The following TBC1D19 variants were observed in gnomAD, a reference collection of about 807,000 sequenced individuals.
TBC1D19 encodes the protein TBC1 domain family member 19, also known as TBC1 domain family, member 19.
TBC1D19 carries 60 observed loss-of-function variants against 89.0 expected under a neutral mutation model. The observed-to-expected ratio is 0.67, with a 90% CI of 0.55 to 0.84. TBC1D19 has a LOEUF of 0.84. Ranked by LOEUF, TBC1D19 falls within the 40% of genes least tolerant of loss-of-function variation. TBC1D19 has a pLI of 0.00. For synonymous variants in TBC1D19, 189 were observed against 199.7 expected (o/e 0.95, Z 0.45); for missense variants, 500 against 610.8 (o/e 0.82, Z 1.91).
At chr4:26,649,795 T>C (rs188820076) in intron 7 of TBC1D19, among the ~76,000 whole-genome samples, 310 of 152,162 alleles carry the variant, frequency 2.0e-3, no homozygotes, top group African/African-American at 7.1e-3. Context: ...ATGTGCCATG[T>C]AGGTGTGCTG....
chr4:26,805,324 T>G, the TBC1D19 span, among the ~76,000 whole-genome samples: 1 of 152,214 alleles, frequency 6.6e-6, no homozygotes, highest in Non-Finnish European at 1.5e-5. Flanking sequence ...GAATATGCTC[T>G]CCAGGGGTTT....
chr4:26,656,987 T>TCTCCTTCTTTCTCCTTCTC (rs59399936), intron 7 of TBC1D19, among the ~76,000 whole-genome samples: 1 of 17,786 alleles, frequency 5.6e-5, no homozygotes. Context: ...TTCTTCTTCT[T>TCTCCTTCTTTCTCCTTCTC]CTTCTCCTTC....
At chr4:26,783,833 A>AACCATGCATCTTAGGCC in the TBC1D19 span, among the ~76,000 whole-genome samples, 20 of 152,218 alleles carry the variant, frequency 1.3e-4, no homozygotes, top group South Asian at 1.0e-3. Flanking sequence ...AATGCCTGGC[A>AACCATGCATCTTAGGCC]ACCATGCATC....
chr4:26,594,454 T>G (rs538721160), intron 1 of TBC1D19, among the ~76,000 whole-genome samples: 1 of 152,048 alleles, frequency 6.6e-6, no homozygotes, highest in African/African-American at 2.4e-5. Context: ...AAAAAAAAAT[T>G]AACTGCCTGT....
chr4:26,664,444 G>T (rs192486119), intron 8 of TBC1D19, among the ~76,000 whole-genome samples: 1 of 152,200 alleles, frequency 6.6e-6, no homozygotes, highest in East Asian at 1.9e-4. Flanking sequence ...TAATATTAAA[G>T]CATTTGTTGG....
At chr4:26,847,592 T>G in the TBC1D19 span, among the ~76,000 whole-genome samples, 1 of 152,090 alleles carries the variant, frequency 6.6e-6, no homozygotes, top group Admixed American at 6.5e-5. Context: ...CAGAAAGGTA[T>G]CTGGGGCCAG....
the TBC1D19 span, among the ~76,000 whole-genome samples, chr4:26,823,971 G>A: frequency 4.6e-5 from 7 of 152,292 alleles, no homozygotes; most frequent in East Asian, 5.8e-4. Context: ...CTCCAGTGAT[G>A]GGCACATGGC....
chr4:26,704,623 A>G (rs1715589360), intron 13 of TBC1D19, among the ~76,000 whole-genome samples: 1 of 152,168 alleles, frequency 6.6e-6, no homozygotes, highest in South Asian at 2.1e-4. Flanking sequence ...GCAAAAGAAG[A>G]TATTTATTAA....
At chr4:26,848,450 G>A in the TBC1D19 span, among the ~76,000 whole-genome samples, 42 of 152,260 alleles carry the variant, frequency 2.8e-4, no homozygotes, top group East Asian at 2.9e-3. Flanking sequence ...CATGTACTAA[G>A]GACATGTGCA....
chr4:26,850,889 G>A, the TBC1D19 span, among the ~76,000 whole-genome samples: 1 of 152,332 alleles, frequency 6.6e-6, no homozygotes, highest in East Asian at 1.9e-4. Flanking sequence ...CTGAGAGGGT[G>A]TTTCTGGAGG....
chr4:26,660,121 A>C (rs1745132344), intron 8 of TBC1D19, among the ~76,000 whole-genome samples: 1 of 152,198 alleles, frequency 6.6e-6, no homozygotes, highest in Non-Finnish European at 1.5e-5. Flanking sequence ...GATGGAGAAC[A>C]TAAGAATTAA....
At position 26,739,931 on chromosome 4, in the gene TBC1D19, G is replaced by A. The variant is rs1351633589; in HGVS notation, c.1185G>A (p.Val395=). The A allele has an allele frequency of 3.1e-6, 5 of 1,596,320 alleles. No individual in the cohort carries two copies. The East Asian group carries it at 9.2e-5, about 29-fold the overall frequency. The change falls in exon 17 of 21, where the codon GTG becomes GTA. Residue 395 remains valine, a synonymous_variant. Transcript: ENST00000264866. ...KLYQIFREMY[V]RFFFRLHSIS... is the part of the protein sequence containing the mutation. ...ATCAGATATTCCGTGAGATGTATGT[G>A]CGTTTTTTCTTCAGACTCCATTCCA...
At chr4:26,630,290 C>A (rs1184998826) in intron 4 of TBC1D19, among the ~76,000 whole-genome samples, 1 of 151,874 alleles carries the variant, frequency 6.6e-6, no homozygotes, top group African/African-American at 2.4e-5. Context: ...ACAATAATTT[C>A]ATTTAGAGAG....
chr4:26,817,742 C>A, the TBC1D19 span, among the ~76,000 whole-genome samples: 1 of 151,762 alleles, frequency 6.6e-6, no homozygotes, highest in Non-Finnish European at 1.5e-5. Context: ...CTGAGGTGGG[C>A]GGATCACCTG....
At chr4:26,831,732 A>G in the TBC1D19 span, among the ~76,000 whole-genome samples, 1 of 151,802 alleles carries the variant, frequency 6.6e-6, no homozygotes, top group East Asian at 1.9e-4. Flanking sequence ...ACAGGTGCAT[A>G]GGTGCATGCC....
the TBC1D19 span, among the ~76,000 whole-genome samples, chr4:26,761,943 A>G: frequency 2.0e-5 from 3 of 152,320 alleles, no homozygotes; most frequent in East Asian, 3.9e-4. Flanking sequence ...TCTGGCCAAC[A>G]TGGTGAAACC....
At chr4:26,656,993 C>CTTCTTCTTCTTCTTCTTCTTCTT (rs1491448641) in intron 7 of TBC1D19, among the ~76,000 whole-genome samples, 2 of 33,328 alleles carry the variant, frequency 6.0e-5, no homozygotes, top group African/African-American at 1.3e-4. Flanking sequence ...TTCTTCTTCT[C>CTTCTTCTTCTTCTTCTTCTTCTT]CTTCTCCTTC....
the TBC1D19 span, among the ~76,000 whole-genome samples, chr4:26,768,928 T>C: frequency 6.6e-6 from 1 of 151,854 alleles, no homozygotes; most frequent in Non-Finnish European, 1.5e-5. Flanking sequence ...CTAAATTTGA[T>C]GAAAATTAAA....
At chr4:26,642,804 TAAAC>T (rs1712315298) in intron 7 of TBC1D19, among the ~76,000 whole-genome samples, 2 of 136,444 alleles carry the variant, frequency 1.5e-5, no homozygotes, top group African/African-American at 2.5e-5. Context: ...AAACAGACTT[TAAAC>T]AAACAAAGAT....
Sources: allele counts gnomAD v4.1 joint callset (sites outside exome capture counted in the v4.1 genomes callset), GRCh38; gene constraint gnomAD v4.1.1; transcripts MANE v1.5; gene names NCBI Gene and HGNC (gene_info 2026-07-23, HGNC 2026-07-21).